The following SORCS1 variants were observed in gnomAD, a reference collection of about 807,000 sequenced individuals.
SORCS1 encodes the protein sortilin related VPS10 domain containing receptor 1.
SORCS1 carries 60 observed loss-of-function variants against 146.1 expected under a neutral mutation model. The observed-to-expected ratio is 0.41, with a 90% CI of 0.33 to 0.51. The LOEUF (loss-of-function observed/expected upper bound fraction) is 0.51, where lower values mean the gene tolerates loss of function less well. SORCS1 is among the 20% of genes least tolerant of loss of function. SORCS1 has a pLI of 0.21. For missense variants in SORCS1, 1,352 were observed against 1,487.6 expected (o/e 0.91, Z 1.50); for synonymous variants, 637 against 584.0 (o/e 1.09, Z -1.31).
At chr10:106,826,339 G>A (rs17121671) in intron 3 of SORCS1, among the ~76,000 whole-genome samples, 6,426 of 152,276 alleles carry the variant, frequency 0.042, 181 homozygotes, top group African/African-American at 0.075. Flanking sequence ...ATAGCACCGC[G>A]GAGACCTGAG....
At chr10:107,087,757 G>C (rs1442303227) in intron 1 of SORCS1, among the ~76,000 whole-genome samples, 2 of 152,220 alleles carry the variant, frequency 1.3e-5, no homozygotes, top group Non-Finnish European at 1.5e-5. Context: ...ATGTGGCAAA[G>C]ATGGAATTAA....
At chr10:106,773,867 T>C (rs1479792310) in intron 4 of SORCS1, among the ~76,000 whole-genome samples, 3 of 151,972 alleles carry the variant, frequency 2.0e-5, no homozygotes, top group Non-Finnish European at 2.9e-5. Context: ...GAGAATCGCC[T>C]GAACCCTGGA....
intron 18 of SORCS1, among the ~76,000 whole-genome samples, chr10:106,633,533 A>G (rs959603536): frequency 3.3e-5 from 5 of 152,152 alleles, no homozygotes; most frequent in Non-Finnish European, 7.3e-5. Flanking sequence ...AAGTGTTCTA[A>G]GTAGGGGTTT....
upstream of SORCS1, among the ~76,000 whole-genome samples, chr10:107,164,788 G>T (rs1482185535): frequency 6.7e-6 from 1 of 148,638 alleles, no homozygotes; most frequent in East Asian, 2.0e-4. This position sits in a 1 kb window ranked among gnomAD's most constrained non-coding sequence, Gnocchi z 6.8. Context: ...GCGGGCGCGG[G>T]CGCTGGCGGG....
At chr10:106,665,391 T>TG (rs1323656843) in intron 17 of SORCS1, among the ~76,000 whole-genome samples, 2 of 150,276 alleles carry the variant, frequency 1.3e-5, no homozygotes, top group African/African-American at 4.9e-5. Context: ...TCTCTCTCTT[T>TG]TTTTTTTTTT....
chr10:106,688,093 C>T (rs1490471671), intron 10 of SORCS1, 99 bp downstream of exon 10: 2 of 1,489,746 alleles, frequency 1.3e-6, no homozygotes, highest in Non-Finnish European at 1.8e-6. Context: ...TTTTGTTCAT[C>T]AACTGAGCAA....
chr10:107,164,600 T>C lies in SORCS1; in HGVS notation c.-74A>G, dbSNP rs1969975449. On this transcript the variant is annotated 5_prime_UTR_variant, in exon 1 of 26. Coordinates refer to ENST00000263054, the MANE Select transcript of SORCS1 (RefSeq NM_052918.5). This position sits in a 1 kb window ranked among gnomAD's most constrained non-coding sequence, Gnocchi z 6.8. ...GGCACGAGCTCTGCGCTGGCGGCTGTGGGGGGCCGGCGCTCAGGACCCCAA... is the reference window on the plus strand; with the variant it reads ...GGCACGAGCTCTGCGCTGGCGGCTGCGGGGGGCCGGCGCTCAGGACCCCAA... The C allele has an allele frequency of 4.9e-6, 6 of 1,222,644 alleles. No individual in the cohort carries two copies. Among genetic ancestry groups the C allele is most frequent in the Non-Finnish European group, 6.3e-6 (6 of 959,720 alleles). The allele number at this position is 1,222,644 out of a possible 1,614,324, so 75.7% of individuals were successfully genotyped here.
At chr10:106,881,607 C>T (rs1383500158) in intron 2 of SORCS1, among the ~76,000 whole-genome samples, 2 of 152,184 alleles carry the variant, frequency 1.3e-5, no homozygotes, top group African/African-American at 4.8e-5. Flanking sequence ...CCTAATAAAA[C>T]TGGAACCTAT....
intron 24 of SORCS1, among the ~76,000 whole-genome samples, chr10:106,596,605 C>G (rs1478340079): frequency 6.6e-6 from 1 of 152,164 alleles, no homozygotes; most frequent in Admixed American, 6.5e-5. Flanking sequence ...AAGATCATGA[C>G]CAATTCCAGG....
At chr10:106,967,152 T>G (rs1040924294) in intron 1 of SORCS1, among the ~76,000 whole-genome samples, 1 of 151,264 alleles carries the variant, frequency 6.6e-6, no homozygotes, top group Non-Finnish European at 1.5e-5. Flanking sequence ...AATCTATTAA[T>G]TTCACATTGC....
intron 8 of SORCS1, among the ~76,000 whole-genome samples, chr10:106,706,298 AGAAAGAAAGAAG>A (rs1854522118): frequency 6.6e-6 from 1 of 151,576 alleles, no homozygotes; most frequent in African/African-American, 2.4e-5. Context: ...AGAAAGAGAA[AGAAAGAAAGAAG>A]GAAAGAAAGA....
chr10:106,740,303 T>C (rs1248273558), intron 5 of SORCS1, among the ~76,000 whole-genome samples: 1 of 152,194 alleles, frequency 6.6e-6, no homozygotes, highest in Admixed American at 6.5e-5. Flanking sequence ...TGGAGACTGT[T>C]GCTCTAAACT....
chr10:107,033,548 CAG>C (rs1482853119), intron 1 of SORCS1, among the ~76,000 whole-genome samples: 4 of 152,192 alleles, frequency 2.6e-5, no homozygotes, highest in Non-Finnish European at 4.4e-5. Flanking sequence ...AGAACTCAAA[CAG>C]AAACATATTC....
chr10:106,766,872 A>G (rs1859614030), intron 4 of SORCS1, among the ~76,000 whole-genome samples: 1 of 152,364 alleles, frequency 6.6e-6, no homozygotes, highest in Admixed American at 6.5e-5. Context: ...GGGCTTTGTA[A>G]TACAATTAAT....
Position 107,045,375 on chromosome 10 carries a change from G to T in SORCS1, c.559-88795C>A, listed in dbSNP as rs114693846. 2.8e-3 allele frequency among the ~76,000 whole-genome samples: 432 copies of T among 152,242 alleles called. 1 individual carries two copies. The highest frequency in any genetic ancestry group is 9.8e-3 in the African/African-American group (406 of 41,548). On this transcript the variant is annotated intron_variant, in intron 1 of 25. Transcript: ENST00000263054. Reference sequence around the variant, plus strand: ...TTGCTGCAAATAGGAAATTGCAGCTGCCACTATTGACCAGAATGAAAAGGT... The same window carrying T: ...TTGCTGCAAATAGGAAATTGCAGCTTCCACTATTGACCAGAATGAAAAGGT...
At chr10:106,780,820 A>G (rs1174286525) in intron 3 of SORCS1, among the ~76,000 whole-genome samples, 1 of 152,178 alleles carries the variant, frequency 6.6e-6, no homozygotes, top group Non-Finnish European at 1.5e-5. Flanking sequence ...AATTGTTTCC[A>G]TAGAAAGTCA....
intron 24 of SORCS1, among the ~76,000 whole-genome samples, chr10:106,590,632 A>G (rs1438177887): frequency 6.6e-6 from 1 of 152,102 alleles, no homozygotes; most frequent in Non-Finnish European, 1.5e-5. Context: ...AACTCTCCCT[A>G]AAATGACATC....
intron 17 of SORCS1, among the ~76,000 whole-genome samples, chr10:106,659,393 T>C (rs1390099441): frequency 6.6e-6 from 1 of 152,216 alleles, no homozygotes; most frequent in Non-Finnish European, 1.5e-5. Flanking sequence ...CACACTTCAC[T>C]AAATCACTTA....
intron 2 of SORCS1, among the ~76,000 whole-genome samples, chr10:106,952,542 A>ATATAT (rs35734331): frequency 0.21 from 30,592 of 142,900 alleles, 3,420 homozygotes; most frequent in East Asian, 0.32. Context: ...ATGACACATT[A>ATATAT]TATATTATAT....
Sources: allele counts gnomAD v4.1 joint callset (sites outside exome capture counted in the v4.1 genomes callset), GRCh38; gene constraint gnomAD v4.1.1; non-coding constraint Gnocchi (gnomAD v3.1); transcripts MANE v1.5; gene names NCBI Gene and HGNC (gene_info 2026-07-23, HGNC 2026-07-21).